The following KAZN variants were observed in gnomAD, a reference collection of about 807,000 sequenced individuals.
KAZN encodes the protein kazrin.
A neutral mutation model predicts 87.4 loss-of-function variants in KAZN; 40 were observed. The ratio of observed to expected loss-of-function variants is 0.46; its 90% CI spans 0.36 to 0.60. The LOEUF (loss-of-function observed/expected upper bound fraction) is 0.60. Ranked by LOEUF, KAZN falls within the 20% of genes least tolerant of loss-of-function variation. The pLI, the probability that KAZN is intolerant of heterozygous loss-of-function variation, is 0.00. For missense variants in KAZN, 898 were observed against 1,073.9 expected, an observed-to-expected ratio of 0.84 and a Z score of 2.29; for synonymous variants, 466 against 458.3, an observed-to-expected ratio of 1.02 and a Z score of -0.22.
At chr1:15,078,397 T>C (rs2100619218) in intron 8 of KAZN, among the ~76,000 whole-genome samples, 1 of 152,088 alleles carries the variant, frequency 6.6e-6, no homozygotes, top group East Asian at 1.9e-4. Flanking sequence ...ACAGCGAGAC[T>C]CCATCTCAAA....
intron 2 of KAZN, among the ~76,000 whole-genome samples, chr1:14,342,016 G>T (rs558767102): frequency 1.3e-5 from 2 of 151,988 alleles, no homozygotes; most frequent in Non-Finnish European, 2.9e-5. Flanking sequence ...AGTGTTTGTT[G>T]CTCCCAATGC....
chr1:14,670,838 A>G (rs1639873668), intron 1 of KAZN, among the ~76,000 whole-genome samples: 1 of 152,232 alleles, frequency 6.6e-6, no homozygotes, highest in East Asian at 1.9e-4. Flanking sequence ...CACTTTGAAC[A>G]GCAAGGGATA....
At chr1:15,085,644 T>C (rs1173866191) in intron 8 of KAZN, among the ~76,000 whole-genome samples, 1 of 152,156 alleles carries the variant, frequency 6.6e-6, no homozygotes, top group Non-Finnish European at 1.5e-5. Context: ...CCACATTTAT[T>C]AGCTCATAAC....
At chr1:14,267,560 C>T (rs1167582578) in intron 2 of KAZN, among the ~76,000 whole-genome samples, 1 of 152,058 alleles carries the variant, frequency 6.6e-6, no homozygotes, top group Non-Finnish European at 1.5e-5. Context: ...AATTGAGCAT[C>T]CTTGGATTTT....
intron 2 of KAZN, among the ~76,000 whole-genome samples, chr1:14,562,523 A>C (rs1021549554): frequency 6.6e-6 from 1 of 152,220 alleles, no homozygotes; most frequent in Non-Finnish European, 1.5e-5. Context: ...ATCCTAAGCT[A>C]GTTCTGAAAT....
intron 2 of KAZN, among the ~76,000 whole-genome samples, chr1:14,385,223 C>G (rs1414269788): frequency 2.0e-5 from 3 of 152,024 alleles, no homozygotes. Context: ...ATTAGTCTTG[C>G]TAGCGGTCTA....
intron 1 of KAZN, among the ~76,000 whole-genome samples, chr1:13,964,509 T>C (rs941779944): frequency 1.3e-5 from 2 of 152,196 alleles, no homozygotes; most frequent in Non-Finnish European, 2.9e-5. Context: ...TCACCTGGAC[T>C]GTGCTCATTC....
At chr1:14,244,743 G>A (rs895872755) in intron 2 of KAZN, among the ~76,000 whole-genome samples, 3 of 152,068 alleles carry the variant, frequency 2.0e-5, no homozygotes, top group African/African-American at 7.2e-5. Flanking sequence ...GTGGGGTGAG[G>A]AGGTGAGAAT....
At chr1:14,257,866 C>G (rs1389492442) in intron 2 of KAZN, among the ~76,000 whole-genome samples, 1 of 137,794 alleles carries the variant, frequency 7.3e-6, no homozygotes. Context: ...GTGGGTGCAG[C>G]GCACCAGCAT....
At chr1:14,839,541 C>T (rs1341169110) in intron 1 of KAZN, among the ~76,000 whole-genome samples, 1 of 152,112 alleles carries the variant, frequency 6.6e-6, no homozygotes, top group Non-Finnish European at 1.5e-5. Flanking sequence ...CAGAAAAACC[C>T]CTATTCATCC....
chr1:14,387,289 A>T (rs1387593244), intron 2 of KAZN, among the ~76,000 whole-genome samples: 1 of 152,112 alleles, frequency 6.6e-6, no homozygotes, highest in African/African-American at 2.4e-5. Context: ...TAATTTGATC[A>T]TCTGAAGCCT....
intron 1 of KAZN, among the ~76,000 whole-genome samples, chr1:13,954,260 A>T (rs1245344833): frequency 6.6e-6 from 1 of 152,174 alleles, no homozygotes; most frequent in African/African-American, 2.4e-5. Flanking sequence ...CAAACAAAAA[A>T]ACCAACAACA....
At chr1:14,419,358 G>T (rs905916482) in intron 2 of KAZN, among the ~76,000 whole-genome samples, 6 of 152,120 alleles carry the variant, frequency 3.9e-5, no homozygotes, top group Admixed American at 3.9e-4. Context: ...ACCCTGCCCG[G>T]CCATCCCCAT....
At chr1:14,994,418 C>T (rs1002997101) in intron 2 of KAZN, among the ~76,000 whole-genome samples, 3 of 152,216 alleles carry the variant, frequency 2.0e-5, no homozygotes. Context: ...GTGCCAGTGC[C>T]ATTGTGTTTC....
intron 4 of KAZN, among the ~76,000 whole-genome samples, chr1:15,045,986 A>G (rs1044029487): frequency 6.6e-6 from 1 of 152,246 alleles, no homozygotes; most frequent in African/African-American, 2.4e-5. Flanking sequence ...AAAGTAAGCT[A>G]GAGCAAAGAA....
rs145646379 is a variant in KAZN, at chr1:14,551,072, G to A, written c.250-47911G>A. On this transcript the variant is annotated intron_variant, in intron 2 of 16. Coordinates refer to the KAZN transcript ENST00000636203. ...AATTGAAATGCAAATAGCTATACAT[G>A]AATCAGAATAGTCATTATGTTACAT... is the stretch of plus-strand genomic sequence containing the variant. Among the ~76,000 whole-genome samples the A allele has an allele frequency of 3.2e-4, 48 of 152,180 alleles. 2 individuals carry two copies. The East Asian group carries it at 8.5e-3, about 27-fold the overall frequency.
chr1:13,944,981 A>G (rs893087390), intron 1 of KAZN, among the ~76,000 whole-genome samples: 1 of 152,212 alleles, frequency 6.6e-6, no homozygotes, highest in African/African-American at 2.4e-5. Flanking sequence ...TGATACAGGC[A>G]GATTTACAAT....
intron 1 of KAZN, among the ~76,000 whole-genome samples, chr1:14,731,866 C>T (rs1046723970): frequency 6.6e-6 from 1 of 152,188 alleles, no homozygotes; most frequent in Admixed American, 6.5e-5. Context: ...GTAGTACTAA[C>T]CAAATGAGGG....
At chr1:14,813,205 A>G (rs1281924424) in intron 1 of KAZN, among the ~76,000 whole-genome samples, 2 of 152,018 alleles carry the variant, frequency 1.3e-5, no homozygotes, top group African/African-American at 4.8e-5. Flanking sequence ...ATTCTTTGCT[A>G]CTCTTTTCTA....
Sources: allele counts gnomAD v4.1 joint callset (sites outside exome capture counted in the v4.1 genomes callset), GRCh38; gene constraint gnomAD v4.1.1; transcripts MANE v1.5; gene names NCBI Gene and HGNC (gene_info 2026-07-23, HGNC 2026-07-21).